The following PLCXD1 variants were observed in gnomAD, a reference collection of about 807,000 sequenced individuals.
The protein encoded by PLCXD1 is phosphatidylinositol specific phospholipase C X domain containing 1.
PLCXD1 carries 45 observed loss-of-function variants against 37.8 expected under a neutral mutation model. That is an observed-to-expected ratio of 1.19 (90% CI 0.94 to 1.53). The LOEUF (loss-of-function observed/expected upper bound fraction) is 1.53, where lower values mean the gene tolerates loss of function less well. PLCXD1 is among the 40% of genes most tolerant of loss of function. The pLI is 0.00. For synonymous variants in PLCXD1, 246 were observed against 206.9 expected (o/e 1.19, Z -1.62); for missense variants, 539 against 454.7 (o/e 1.19, Z -1.69).
chrX:276,839 G>A (rs750704172), upstream of PLCXD1, among the ~76,000 whole-genome samples: 3 of 152,240 alleles, frequency 2.0e-5, no homozygotes, highest in African/African-American at 4.8e-5. Flanking sequence ...CTGTCCTTCC[G>A]TTGATTCACC....
chrX:299,693 G>T lies in PLCXD1; in HGVS notation c.*358G>T. 5.3e-6 allele frequency: 2 copies of T among 375,220 alleles called. No homozygotes were observed. The highest frequency in any genetic ancestry group is 4.9e-6 in the Non-Finnish European group (1 of 203,086). The allele number at this position is 375,220 out of a possible 1,614,324, so 23.2% of individuals were successfully genotyped here. On this transcript the variant is annotated 3_prime_UTR_variant, in exon 7 of 7. Coordinates refer to ENST00000381657, the MANE Select transcript of PLCXD1 (RefSeq NM_018390.4). Reference sequence around the variant, plus strand: ...AACTGCTTGAAGCCGGGAGATGGAGGTTGCATTGAGCTGACATCGTGCCAC... The same window carrying T: ...AACTGCTTGAAGCCGGGAGATGGAGTTTGCATTGAGCTGACATCGTGCCAC...
Position 300,442 on chromosome X carries a change from G to GTA in PLCXD1, c.*1109_*1110dup, listed in dbSNP as rs112465548. 112,879 of 151,126 alleles carry GTA rather than the reference G, an allele frequency of 0.75. 42,941 individuals are homozygous for GTA. The highest frequency in any genetic ancestry group is 0.9 in the African/African-American group (37,063 of 41,282). 9.4% of individuals were successfully genotyped at this position (151,126 alleles called of 1,614,324 possible). A position where few individuals can be genotyped will look rare whatever the true frequency, so the allele number is the denominator to read the frequency against. On this transcript the variant is annotated 3_prime_UTR_variant, in exon 7 of 7. Transcript: ENST00000381657. The stretch of plus-strand genomic sequence containing the variant: ...TATATATCGGTGTGTATATATGTAT[G>GTA]TATGTTTATACATGTGTATATGTGT...
intron 4 of PLCXD1, 138 bp from the exon 5 acceptor site, chrX:291,361 G>C: frequency 2.3e-6 from 2 of 858,986 alleles, no homozygotes; most frequent in South Asian, 3.0e-5. Context: ...GGCTAGGCTG[G>C]TCTCAAACTC....
chrX:289,379 GC>G (rs2069555701), intron 3 of PLCXD1, among the ~76,000 whole-genome samples: 1 of 151,088 alleles, frequency 6.6e-6, no homozygotes, highest in African/African-American at 2.4e-5. Flanking sequence ...GAGCCACCGC[GC>G]CCGGCCCAGC....
chrX:294,767 G>A (rs1490572670), intron 6 of PLCXD1, among the ~76,000 whole-genome samples: 1 of 152,084 alleles, frequency 6.6e-6, no homozygotes, highest in African/African-American at 2.4e-5. Context: ...TCGAGCCAGT[G>A]TACTCCAGCC....
chrX:300,220 G>A lies in PLCXD1; in HGVS notation c.*885G>A. 1 of 152,020 alleles carries A rather than the reference G, an allele frequency of 6.6e-6. No homozygotes were observed. The highest frequency in any genetic ancestry group is 1.5e-5 in the Non-Finnish European group (1 of 68,024). 9.4% of individuals were successfully genotyped at this position (152,020 alleles called of 1,614,324 possible). ...GTTTTCTTATTTCTGTATTCTCCTT[G>A]CTGTGGCGTCTGGAGCCCTTACAGA... On this transcript the variant is annotated 3_prime_UTR_variant, in exon 7 of 7. Transcript: ENST00000381657.
upstream of PLCXD1, among the ~76,000 whole-genome samples, chrX:280,339 A>AGGCCGTGCAGGGGGAAGGGG (rs1240025092): frequency 1.8e-5 from 1 of 54,966 alleles, no homozygotes; most frequent in East Asian, 5.8e-4. Context: ...GGGGGAGGGG[A>AGGCCGTGCAGGGGGAAGGGG]GGCCGTGCAG....
rs905351207 is a variant in PLCXD1, at chrX:303,199, G to A, written c.*3864G>A. On this transcript the variant is annotated 3_prime_UTR_variant, in exon 7 of 7. Transcript: ENST00000381657. ...GCGGCTACCTCAGCCCCACGGCTCT[G>A]CAGGATCAGGGCTCGGGCAGGCCCC... 1 of 152,174 alleles carries A rather than the reference G, an allele frequency of 6.6e-6. No individual in the cohort carries two copies. The highest frequency in any genetic ancestry group is 1.5e-5 in the Non-Finnish European group (1 of 68,030). 9.4% of individuals were successfully genotyped at this position (152,174 alleles called of 1,614,324 possible).
rs11556996 is a variant in PLCXD1 at position 290,695 on chromosome X, C to T, written c.312C>T (p.Asp104=). 923,823 of 1,605,046 alleles carry T rather than the reference C, an allele frequency of 0.58. 269,550 individuals are homozygous for T. The highest frequency in any genetic ancestry group is 0.74 in the East Asian group (33,050 of 44,614). The change falls in exon 4 of 7, where the codon GAC becomes GAT. Residue 104 remains aspartate, a synonymous_variant. Transcript: ENST00000381657. ...TGGATGCCGGGGTGCGGTACCTGGA[C>T]CTGCGGATAGCCCACATGCTGGAGG... ...EQLDAGVRYL[D]LRIAHMLEGS...
At chrX:295,697 T>G (rs2069784094) in intron 6 of PLCXD1, among the ~76,000 whole-genome samples, 1 of 151,442 alleles carries the variant, frequency 6.6e-6, no homozygotes, top group African/African-American at 2.4e-5. Context: ...GCTAATTTTT[T>G]TTTGTATTTT....
chrX:287,355 TTA>T (rs1450993412), intron 2 of PLCXD1, among the ~76,000 whole-genome samples: 1 of 144,522 alleles, frequency 6.9e-6, no homozygotes, highest in Non-Finnish European at 1.5e-5. Flanking sequence ...GATATATATT[TTA>T]TATATTTATA....
upstream of PLCXD1, among the ~76,000 whole-genome samples, chrX:276,789 G>T (rs150499269): frequency 0.013 from 1,972 of 152,124 alleles, 25 homozygotes; most frequent in African/African-American, 0.034. Context: ...TGGGACGGTG[G>T]GGATGTTGGG....
At chrX:298,980 A>C (rs2069904389) in intron 6 of PLCXD1, 117 bp from the exon 7 acceptor site, 1 of 794,588 alleles carries the variant, frequency 1.3e-6, no homozygotes, top group Non-Finnish European at 2.2e-6. Context: ...CTTGTTGGAC[A>C]TGGTGCTTTC....
intron 3 of PLCXD1, among the ~76,000 whole-genome samples, chrX:289,643 C>G (rs986318428): frequency 1.1e-4 from 16 of 151,538 alleles, no homozygotes; most frequent in African/African-American, 3.9e-4. Context: ...TCCTGAGTAG[C>G]TGGGACTACA....
upstream of PLCXD1, among the ~76,000 whole-genome samples, chrX:279,414 G>A (rs1038772958): frequency 1.3e-5 from 2 of 152,172 alleles, no homozygotes; most frequent in African/African-American, 2.4e-5. Context: ...CTCCACTGGT[G>A]GTGAGGCGGG....
chrX:290,078 C>G (rs2069578917), intron 3 of PLCXD1, among the ~76,000 whole-genome samples: 1 of 152,082 alleles, frequency 6.6e-6, no homozygotes, highest in South Asian at 2.1e-4. Context: ...CTTCCTCAGC[C>G]TCCCGGGCAG....
In PLCXD1 at chrX:291,549, G is replaced by A; in HGVS notation, c.444G>A (p.Val148=). The A allele has an allele frequency of 6.2e-7, 1 of 1,613,036 alleles. No homozygotes were observed. Among genetic ancestry groups the A allele is most frequent in the Non-Finnish European group, 8.5e-7 (1 of 1,179,848 alleles). ...GGCTGGAGCGGCATCCACGCGAGGT[G>A]GTCATCCTGGCCTGCAGAAACTTCG... The part of the protein sequence containing the change: ...SEWLERHPRE[V]VILACRNFEG... The change falls in exon 5 of 7, where the codon GTG becomes GTA. Residue 148 remains valine, a synonymous_variant. Coordinates refer to ENST00000381657, the MANE Select transcript of PLCXD1 (RefSeq NM_018390.4).
intron 2 of PLCXD1, among the ~76,000 whole-genome samples, chrX:284,739 C>T (rs754504893): frequency 1.9e-4 from 28 of 150,348 alleles, no homozygotes; most frequent in African/African-American, 6.4e-4. Flanking sequence ...AAGACATACC[C>T]GAGACTGGGT....
rs1227365093 is a variant in PLCXD1, at chrX:293,160, G to C, written c.675G>C (p.Arg225Ser). 1 of 1,612,808 alleles carries C rather than the reference G, an allele frequency of 6.2e-7. No individual in the cohort carries two copies. The highest frequency in any genetic ancestry group is 8.5e-7 in the Non-Finnish European group (1 of 1,179,786). Residue 225 changes from arginine (R) to serine (S), a missense_variant, in exon 6 of 7, where the codon AGG becomes AGC. Physicochemically the swap from Arg to Ser is moderately radical, Grantham distance 110 (BLOSUM62 -1). Coordinates refer to ENST00000381657, the MANE Select transcript of PLCXD1 (RefSeq NM_018390.4). ...GAGTCCCCTACTGGTGGGGAAACAG[G>C]GTGAAGACCGAGGCCCTCATCCGAT... ...WPGVPYWWGN[R>S]VKTEALIRYL...
Sources: allele counts gnomAD v4.1 joint callset (sites outside exome capture counted in the v4.1 genomes callset), GRCh38; gene constraint gnomAD v4.1.1; transcripts MANE v1.5; gene names NCBI Gene and HGNC (gene_info 2026-07-23, HGNC 2026-07-21).